Variants in TTC39B observed in about 807,000 individuals in gnomAD.
TTC39B encodes tetratricopeptide repeat domain 39B.
A neutral mutation model predicts 96.6 loss-of-function variants in TTC39B; 92 were observed. The ratio of observed to expected loss-of-function variants is 0.95; its 90% CI spans 0.80 to 1.13. The LOEUF (loss-of-function observed/expected upper bound fraction) is 1.13, where lower values mean the gene tolerates loss of function less well. TTC39B is among the 50% of genes most tolerant of loss of function. The pLI is 0.00. For synonymous variants in TTC39B, 367 were observed against 299.4 expected (o/e 1.23, Z -2.33); for missense variants, 955 against 809.3 (o/e 1.18, Z -2.18).
rs553627215 is a variant in TTC39B, at chr9:15,195,146, T to C, written c.825-2451A>G. On this transcript the variant is annotated intron_variant, in intron 8 of 19. Coordinates refer to ENST00000512701, the Ensembl canonical transcript of TTC39B. ...AAATTAAAAGTGCTACTTCAGTGAA[T>C]GCACAAATGATAAGAAAACAAAACA... 2.4e-4 allele frequency among the ~76,000 whole-genome samples: 37 copies of C among 152,270 alleles called. No homozygotes were observed. In the South Asian group the frequency reaches 2.5e-3, roughly 10 times the overall value.
intron 3 of TTC39B, among the ~76,000 whole-genome samples, chr9:15,218,843 C>G (rs1335433787): frequency 6.6e-6 from 1 of 151,976 alleles, no homozygotes; most frequent in East Asian, 1.9e-4. Context: ...CAAATGTTTC[C>G]CACAATATAT....
chr9:15,274,108 CA>C (rs1823453634), intron 1 of TTC39B, among the ~76,000 whole-genome samples: 2 of 152,158 alleles, frequency 1.3e-5, no homozygotes, highest in African/African-American at 4.8e-5. Context: ...ATGAGAAATG[CA>C]TAAACTCAAG....
exon 20 of TTC39B, chr9:15,168,342 A>G (rs1434605824): frequency 1.3e-5 from 2 of 150,202 alleles, no homozygotes; most frequent in African/African-American, 4.9e-5. Flanking sequence ...GTATTAAAAC[A>G]TCACTGGAGT....
At chr9:15,299,367 A>T (rs1485570449) in intron 1 of TTC39B, among the ~76,000 whole-genome samples, 1 of 152,240 alleles carries the variant, frequency 6.6e-6, no homozygotes, top group Non-Finnish European at 1.5e-5. Flanking sequence ...TTAAATAAAG[A>T]GCTGAAGATG....
At position 15,242,036 on chromosome 9, in the gene TTC39B, G is replaced by A. The variant is rs566221347; in HGVS notation, c.276-16024C>T. Among the ~76,000 whole-genome samples the A allele has an allele frequency of 9.3e-4, 141 of 151,722 alleles. 1 individual carries two copies. The highest frequency in any genetic ancestry group is 3.1e-3 in the African/African-American group (130 of 41,426). On this transcript the variant is annotated intron_variant, in intron 2 of 19. Coordinates refer to ENST00000512701, the Ensembl canonical transcript of TTC39B. ...GCTGGGATTACAGGCATGAGCCACC[G>A]CAAGCAGCCTAATTAACTCTGACTT...
intron 19 of TTC39B, 119 bp from the exon 20 acceptor site, chr9:15,172,228 G>A (rs113729233): frequency 3.5e-5 from 19 of 544,570 alleles, no homozygotes; most frequent in African/African-American, 5.8e-5. Context: ...ATACATAACC[G>A]TAGATCTTAG....
chr9:15,181,990 T>C (rs578034148), intron 17 of TTC39B, among the ~76,000 whole-genome samples: 2 of 152,320 alleles, frequency 1.3e-5, no homozygotes, highest in East Asian at 1.9e-4. Flanking sequence ...ACTCCATCCC[T>C]AGGCAACCAC....
chr9:15,275,754 G>A (rs919276261), intron 1 of TTC39B, among the ~76,000 whole-genome samples: 1 of 152,174 alleles, frequency 6.6e-6, no homozygotes, highest in Non-Finnish European at 1.5e-5. Flanking sequence ...CAGTCATGTT[G>A]TCTACAGTTG....
chr9:15,291,568 A>C (rs1312305119), intron 1 of TTC39B, among the ~76,000 whole-genome samples: 5 of 152,158 alleles, frequency 3.3e-5, no homozygotes, highest in Non-Finnish European at 7.4e-5. Flanking sequence ...GATGATATGT[A>C]GAGTTCATAT....
chr9:15,250,607 G>C (rs915608628), intron 2 of TTC39B, among the ~76,000 whole-genome samples: 12 of 152,180 alleles, frequency 7.9e-5, no homozygotes, highest in Admixed American at 7.9e-4. Flanking sequence ...TGACATGACA[G>C]TCATACCAAG....
intron 2 of TTC39B, among the ~76,000 whole-genome samples, chr9:15,265,318 G>A (rs1239111393): frequency 3.3e-5 from 5 of 152,160 alleles, no homozygotes; most frequent in Non-Finnish European, 4.4e-5. Context: ...CACTGCTCAG[G>A]GGTCACACTG....
At chr9:15,269,887 G>A (rs572925394) in intron 1 of TTC39B, among the ~76,000 whole-genome samples, 11 of 150,268 alleles carry the variant, frequency 7.3e-5, no homozygotes, top group African/African-American at 2.2e-4. Flanking sequence ...AAGAAGAACC[G>A]ACTGGACCTG....
chr9:15,279,896 T>C (rs1444662082), intron 1 of TTC39B, among the ~76,000 whole-genome samples: 3 of 141,168 alleles, frequency 2.1e-5, no homozygotes, highest in South Asian at 4.8e-4. Flanking sequence ...TCTTTTCTTT[T>C]TTTTTTTTTT....
chr9:15,221,320 T>A (rs1820830286), intron 3 of TTC39B, among the ~76,000 whole-genome samples: 1 of 152,204 alleles, frequency 6.6e-6, no homozygotes, highest in African/African-American at 2.4e-5. Flanking sequence ...CCCAATTATT[T>A]ATATACTATG....
intron 1 of TTC39B, among the ~76,000 whole-genome samples, chr9:15,292,061 G>A (rs752474097): frequency 6.6e-6 from 1 of 152,160 alleles, no homozygotes; most frequent in Non-Finnish European, 1.5e-5. Flanking sequence ...GCAAATATGT[G>A]TAAAGTTTAC....
intron 1 of TTC39B, among the ~76,000 whole-genome samples, chr9:15,297,658 G>A (rs568823200): frequency 1.1e-4 from 16 of 152,164 alleles, no homozygotes; most frequent in South Asian, 2.1e-4. Context: ...CCCTTGGGTC[G>A]TCAGTGAGTC....
chr9:15,259,903 G>A (rs1822884158), intron 2 of TTC39B, among the ~76,000 whole-genome samples: 1 of 152,118 alleles, frequency 6.6e-6, no homozygotes. Context: ...AGCCGAGGGT[G>A]ACAGAAATTA....
intron 13 of TTC39B, 92 bp downstream of exon 13, chr9:15,189,482 G>C: frequency 7.2e-7 from 1 of 1,389,646 alleles, no homozygotes; most frequent in South Asian, 1.3e-5. Flanking sequence ...ATATAGCCAA[G>C]TTTACTTTTG....
At chr9:15,258,054 C>T (rs1822819132) in intron 2 of TTC39B, among the ~76,000 whole-genome samples, 1 of 146,854 alleles carries the variant, frequency 6.8e-6, no homozygotes, top group African/African-American at 2.6e-5. Context: ...GAGCAAAACT[C>T]CATCTCAAAA....
Sources: gnomAD v4.1 joint callset for allele counts (sites outside exome capture counted in the v4.1 genomes callset) on GRCh38, gnomAD v4.1.1 for gene constraint, MANE v1.5 for transcripts, NCBI Gene and HGNC (gene_info 2026-07-23, HGNC 2026-07-21) for gene names.